ERBIN: variants seen among roughly 807,000 people sequenced by gnomAD.
ERBIN encodes the protein erbb2 interacting protein, also known as densin-180-like protein.
Under a neutral mutation model 158.4 loss-of-function variants are expected in ERBIN, and 60 were observed. The observed-to-expected ratio is 0.38, with a 90% CI of 0.31 to 0.47. The LOEUF is 0.47. Among genes scored for constraint, ERBIN ranks in the 20% least tolerant of loss-of-function variants. The pLI, the probability that ERBIN is intolerant of heterozygous loss-of-function variation, is 0.99. For synonymous variants in ERBIN, 594 were observed against 557.2 expected (o/e 1.07, Z -0.93); for missense variants, 1,610 against 1,648.0 (o/e 0.98, Z 0.40).
chr5:65,942,149 C>G (rs1362232540), intron 1 of ERBIN, among the ~76,000 whole-genome samples: 1 of 152,216 alleles, frequency 6.6e-6, no homozygotes, highest in Non-Finnish European at 1.5e-5. Flanking sequence ...AATGACTAGT[C>G]TGGAGTACCA....
At chr5:65,971,142 G>T (rs549002291) in intron 1 of ERBIN, among the ~76,000 whole-genome samples, 1 of 152,090 alleles carries the variant, frequency 6.6e-6, no homozygotes, top group Non-Finnish European at 1.5e-5. Context: ...AAGTCTAGTC[G>T]TTTTGATGAT....
chr5:65,947,640 C>G (rs1012634815), intron 1 of ERBIN, among the ~76,000 whole-genome samples: 13 of 152,076 alleles, frequency 8.5e-5, no homozygotes, highest in African/African-American at 3.1e-4. Flanking sequence ...TCCTGGGAGC[C>G]AGAGTTTTCA....
In ERBIN at chr5:65,926,668, T is replaced by A. The variant is rs1035581578; in HGVS notation, c.-196T>A. ...AACCCCCACCAAAGCCACCTACTCT[T>A]CTTCTGTGGGAGGCCAGTCCACATC... On this transcript the variant is annotated 5_prime_UTR_variant, in exon 1 of 26. Coordinates refer to ENST00000284037, the MANE Select transcript of ERBIN (RefSeq NM_001253697.2). 1 of 151,724 alleles carries A rather than the reference T, an allele frequency of 6.6e-6. No individual in the cohort carries two copies. The allele number at this position is 151,724 out of a possible 1,614,324, so 9.4% of individuals were successfully genotyped here.
At chr5:66,064,386 A>G (rs1374531195) in intron 21 of ERBIN, among the ~76,000 whole-genome samples, 4 of 152,220 alleles carry the variant, frequency 2.6e-5, no homozygotes, top group Admixed American at 6.5e-5. Context: ...AGAAACTACT[A>G]TCACTGTACA....
At chr5:66,076,093 T>C (rs1761964458) in intron 23 of ERBIN, 2 of 490,340 alleles carry the variant, frequency 4.1e-6, no homozygotes, top group Non-Finnish European at 3.6e-6. Context: ...GCAATAAAAT[T>C]AGGAGCTATG....
intron 1 of ERBIN, among the ~76,000 whole-genome samples, chr5:65,987,055 A>G (rs1390871990): frequency 1.3e-5 from 2 of 152,166 alleles, no homozygotes; most frequent in Non-Finnish European, 2.9e-5. Flanking sequence ...GTGGTGTCAG[A>G]TGTATTTGCT....
At chr5:65,970,113 G>GTA (rs1384526313) in intron 1 of ERBIN, among the ~76,000 whole-genome samples, 1 of 72,464 alleles carries the variant, frequency 1.4e-5, no homozygotes, top group Non-Finnish European at 4.5e-5. Context: ...ATAATCTAGT[G>GTA]AAGTATGAAG....
intron 1 of ERBIN, among the ~76,000 whole-genome samples, chr5:65,983,603 A>C (rs1750880903): frequency 1.4e-5 from 2 of 146,276 alleles, no homozygotes; most frequent in African/African-American, 4.9e-5. Context: ...GATCTTACAC[A>C]ACCACTAAAT....
At position 66,054,935 on chromosome 5, in the gene ERBIN, C is replaced by G; in HGVS notation, c.3617C>G (p.Ala1206Gly). 1 of 1,570,824 alleles carries G rather than the reference C, an allele frequency of 6.4e-7. No homozygotes were observed. The highest frequency in any genetic ancestry group is 1.2e-5 in the South Asian group (1 of 85,390). ...GAACAAGTACTTCGACATATTGAAG[C>G]CAAAAAGTTAGAAAAGGTAATTGAA... ...WREQVLRHIEAKKLEKKHPQT... is the reference protein window; with the variant it reads ...WREQVLRHIEGKKLEKKHPQT... Residue 1206 changes from alanine (A) to glycine (G), a missense_variant, in exon 21 of 26, where the codon GCC becomes GGC. Around this residue, in one of 2 missense-constraint regions of ERBIN, gnomAD observed 1,014 missense variants for 936.1 expected, o/e 1.08. Coordinates refer to ENST00000284037, the MANE Select transcript of ERBIN (RefSeq NM_001253697.2).
intron 14 of ERBIN, among the ~76,000 whole-genome samples, chr5:66,030,373 G>GT (rs1397937304): frequency 3.9e-5 from 6 of 151,952 alleles, no homozygotes; most frequent in Non-Finnish European, 8.8e-5. Context: ...GGCAATTACC[G>GT]TATCTGTTAT....
rs1027777222 is a variant in ERBIN at position 66,081,598 on chromosome 5, G to A, written c.*3068G>A. ...AATTCGGGGTTAGAGAAATTCTCAT[G>A]AAAAATATACAATTTTTTTTTAGCA... is the stretch of plus-strand genomic sequence containing the variant. On this transcript the variant is annotated 3_prime_UTR_variant, in exon 26 of 26. Transcript: ENST00000284037. The A allele has an allele frequency of 6.6e-6, 1 of 151,964 alleles. No individual in the cohort carries two copies. Among genetic ancestry groups the A allele is most frequent in the African/African-American group, 2.4e-5 (1 of 41,402 alleles). The allele number at this position is 151,964 out of a possible 1,614,324, so 9.4% of individuals were successfully genotyped here.
In ERBIN at chr5:65,955,913, G is replaced by A. The variant is rs149438362; in HGVS notation, c.-58+29107G>A. ...CTTGTGCCATCATGCACCATCCAGGGCAAGATATGAATTATCCCTTTGTTT... is the reference window on the plus strand; with the variant it reads ...CTTGTGCCATCATGCACCATCCAGGACAAGATATGAATTATCCCTTTGTTT... On this transcript the variant is annotated intron_variant, in intron 1 of 25. Coordinates refer to ENST00000284037, the MANE Select transcript of ERBIN (RefSeq NM_001253697.2). Among the ~76,000 whole-genome samples, 927 of 152,268 alleles carry A rather than the reference G, an allele frequency of 6.1e-3. 12 individuals are homozygous for A. Among genetic ancestry groups the A allele is most frequent in the African/African-American group, 0.021 (887 of 41,562 alleles).
intron 7 of ERBIN, among the ~76,000 whole-genome samples, chr5:66,016,425 G>A (rs1754721350): frequency 1.3e-5 from 2 of 152,128 alleles, no homozygotes; most frequent in South Asian, 2.1e-4. Flanking sequence ...CTCCTTTTAA[G>A]ATATGATTGT....
At chr5:65,946,409 A>C (rs1323218901) in intron 1 of ERBIN, among the ~76,000 whole-genome samples, 2 of 152,156 alleles carry the variant, frequency 1.3e-5, no homozygotes, top group Non-Finnish European at 1.5e-5. Flanking sequence ...CATATAGTAC[A>C]TGACTTTTGG....
chr5:66,048,356 A>G (rs1336196638), intron 18 of ERBIN, among the ~76,000 whole-genome samples: 3 of 151,952 alleles, frequency 2.0e-5, no homozygotes, highest in Non-Finnish European at 4.4e-5. Flanking sequence ...ATAGAGCTAT[A>G]TATGGTTGAA....
chr5:65,983,840 A>G (rs1750918196), intron 1 of ERBIN, among the ~76,000 whole-genome samples: 1 of 152,174 alleles, frequency 6.6e-6, no homozygotes, highest in South Asian at 2.1e-4. Flanking sequence ...GAGGATGACA[A>G]GGGGAGGACC....
chr5:65,940,350 G>GC (rs1744724601), intron 1 of ERBIN, among the ~76,000 whole-genome samples: 1 of 149,014 alleles, frequency 6.7e-6, no homozygotes, highest in African/African-American at 2.6e-5. Context: ...CCTCCGCCCG[G>GC]CAGCCACCCC....
chr5:65,961,403 T>G (rs901944936), intron 1 of ERBIN: 2 of 152,344 alleles, frequency 1.3e-5, no homozygotes, highest in Non-Finnish European at 2.9e-5. Flanking sequence ...TAAATTATAC[T>G]TCCCTGCAGC....
chr5:66,066,087 G>A (rs992801151), intron 21 of ERBIN, among the ~76,000 whole-genome samples: 1 of 152,034 alleles, frequency 6.6e-6, no homozygotes, highest in Non-Finnish European at 1.5e-5. Flanking sequence ...CTAAAATCAT[G>A]TAATTCTGAA....
Sources: gnomAD v4.1 joint callset for allele counts (sites outside exome capture counted in the v4.1 genomes callset) on GRCh38, gnomAD v4.1.1 for gene constraint, gnomAD v4.1.1 regional missense constraint, MANE v1.5 for transcripts, NCBI Gene and HGNC (gene_info 2026-07-23, HGNC 2026-07-21) for gene names.